BTRC: variants seen among roughly 807,000 people sequenced by gnomAD.
BTRC encodes the protein F-box/WD repeat-containing protein 1A.
BTRC carries 42 observed loss-of-function variants against 85.5 expected under a neutral mutation model. The ratio of observed to expected loss-of-function variants is 0.49; its 90% CI spans 0.38 to 0.64. BTRC has a LOEUF of 0.64. Ranked by LOEUF, BTRC falls within the 30% of genes least tolerant of loss-of-function variation. The probability of loss-of-function intolerance (pLI) is 0.00; values close to 1 mark genes in which losing one functional copy is unlikely to be tolerated. For missense variants in BTRC, 594 were observed against 743.5 expected, an observed-to-expected ratio of 0.80 and a Z score of 2.34; for synonymous variants, 255 against 263.3, an observed-to-expected ratio of 0.97 and a Z score of 0.30.
chr10:101,504,909 A>T (rs894053961), intron 4 of BTRC, among the ~76,000 whole-genome samples: 1 of 151,616 alleles, frequency 6.6e-6, no homozygotes, highest in Non-Finnish European at 1.5e-5. Flanking sequence ...CCTCCCCCAT[A>T]TTCTTCAAAT....
chr10:101,414,818 A>G (rs1943884066), intron 1 of BTRC: 1 of 159,794 alleles, frequency 6.3e-6, no homozygotes, highest in South Asian at 1.9e-4. Flanking sequence ...GAAACAACTT[A>G]TAAAGATGTA....
At chr10:101,535,555 A>G (rs563874248) in intron 11 of BTRC, 83 bp downstream of exon 11, 3 of 945,298 alleles carry the variant, frequency 3.2e-6, no homozygotes, top group East Asian at 2.8e-5. Flanking sequence ...CAAGTCTTCA[A>G]TTTTGTTATG....
At chr10:101,463,391 G>T (rs889004282) in intron 3 of BTRC, among the ~76,000 whole-genome samples, 1 of 151,788 alleles carries the variant, frequency 6.6e-6, no homozygotes, top group Non-Finnish European at 1.5e-5. Context: ...TGTTGGCCAG[G>T]CTGTTCTCAG....
intron 13 of BTRC, among the ~76,000 whole-genome samples, chr10:101,548,249 A>G (rs2062588953): frequency 6.6e-6 from 1 of 152,238 alleles, no homozygotes; most frequent in Non-Finnish European, 1.5e-5. Context: ...AAATGGGTGC[A>G]TATATTCAGC....
At chr10:101,366,843 TGTATA>T (rs1942410562) in intron 1 of BTRC, among the ~76,000 whole-genome samples, 1 of 37,950 alleles carries the variant, frequency 2.6e-5, no homozygotes, top group South Asian at 5.7e-4. Flanking sequence ...TATATATTTA[TGTATA>T]TTAATATATA....
At chr10:101,526,509 T>C (rs533125459) in intron 6 of BTRC, among the ~76,000 whole-genome samples, 1 of 152,332 alleles carries the variant, frequency 6.6e-6, no homozygotes, top group African/African-American at 2.4e-5. Flanking sequence ...CTGGGCACAG[T>C]GCGTTCACGC....
chr10:101,526,946 T>C (rs988131061), intron 6 of BTRC, among the ~76,000 whole-genome samples: 1 of 152,214 alleles, frequency 6.6e-6, no homozygotes, highest in Admixed American at 6.5e-5. Context: ...CTTCACTAAT[T>C]TTTTTGTTGT....
chr10:101,458,144 CTG>C (rs2134160026), intron 2 of BTRC, among the ~76,000 whole-genome samples: 2 of 152,188 alleles, frequency 1.3e-5, no homozygotes, highest in African/African-American at 4.8e-5. Flanking sequence ...ATAAACAAAA[CTG>C]TGGCACATCC....
intron 1 of BTRC, among the ~76,000 whole-genome samples, chr10:101,387,679 A>T (rs768703917): frequency 6.8e-6 from 1 of 147,834 alleles, no homozygotes; most frequent in Non-Finnish European, 1.5e-5. Flanking sequence ...GGTGCCCACC[A>T]CCACACCCGG....
At chr10:101,393,970 T>C (rs1943300885) in intron 1 of BTRC, among the ~76,000 whole-genome samples, 1 of 152,240 alleles carries the variant, frequency 6.6e-6, no homozygotes, top group Non-Finnish European at 1.5e-5. Flanking sequence ...TCGTAGACTG[T>C]AGAGCATGTC....
At chr10:101,507,145 C>T (rs143064603) in intron 4 of BTRC, among the ~76,000 whole-genome samples, 1 of 152,174 alleles carries the variant, frequency 6.6e-6, no homozygotes, top group Non-Finnish European at 1.5e-5. Flanking sequence ...GTCTGTATCA[C>T]TGGGGCTTTT....
In BTRC at chr10:101,556,077, C is replaced by T. The variant is rs1159161122; in HGVS notation, c.*2954C>T. The T allele has an allele frequency of 6.6e-6, 1 of 152,232 alleles. No homozygotes were observed. Among genetic ancestry groups the T allele is most frequent in the Non-Finnish European group, 1.5e-5 (1 of 68,048 alleles). 9.4% of individuals were successfully genotyped at this position (152,232 alleles called of 1,614,324 possible). A position where few individuals can be genotyped will look rare whatever the true frequency, so the allele number is the denominator to read the frequency against. On this transcript the variant is annotated 3_prime_UTR_variant, in exon 15 of 15. Transcript: ENST00000370187. Reference sequence around the variant, plus strand: ...AATTCTTTCTGGTGTCTCCTAACTTCAGAGACAGGGACTCTTTTTGGATCT... The same window carrying T: ...AATTCTTTCTGGTGTCTCCTAACTTTAGAGACAGGGACTCTTTTTGGATCT...
intron 4 of BTRC, among the ~76,000 whole-genome samples, chr10:101,516,151 T>C (rs141227605): frequency 1.7e-3 from 255 of 152,314 alleles, no homozygotes; most frequent in African/African-American, 3.5e-3. Context: ...GAGGGAAGGC[T>C]CAGCTCCAAC....
chr10:101,411,766 A>C (rs1943786388), intron 1 of BTRC, among the ~76,000 whole-genome samples: 1 of 141,246 alleles, frequency 7.1e-6, no homozygotes, highest in Non-Finnish European at 1.6e-5. Context: ...GTTATGAATC[A>C]TATTTTGTGC....
At chr10:101,447,300 A>G (rs970296072) in intron 2 of BTRC, among the ~76,000 whole-genome samples, 1 of 152,162 alleles carries the variant, frequency 6.6e-6, no homozygotes, top group African/African-American at 2.4e-5. Flanking sequence ...TCAGAAAGAA[A>G]GGAGATGTTG....
At chr10:101,389,332 C>T (rs943868974) in intron 1 of BTRC, among the ~76,000 whole-genome samples, 5 of 151,940 alleles carry the variant, frequency 3.3e-5, no homozygotes, top group Non-Finnish European at 7.4e-5. Context: ...CTGCTATCAA[C>T]TTACTTTGGG....
intron 2 of BTRC, among the ~76,000 whole-genome samples, chr10:101,451,348 T>C (rs1360819980): frequency 6.6e-6 from 1 of 152,212 alleles, no homozygotes; most frequent in Admixed American, 6.5e-5. Context: ...ATTCTTATTT[T>C]TTTCTGTTAC....
chr10:101,528,607 C>T (rs916696433), intron 6 of BTRC, among the ~76,000 whole-genome samples: 11 of 152,120 alleles, frequency 7.2e-5, no homozygotes, highest in South Asian at 2.1e-4. Flanking sequence ...TTATACATCC[C>T]GTGTCAACTT....
At chr10:101,387,548 A>ATTTTTTTTTTTTTTT (rs1943115372) in intron 1 of BTRC, among the ~76,000 whole-genome samples, 1 of 13,626 alleles carries the variant, frequency 7.3e-5, no homozygotes, top group African/African-American at 9.3e-4. Flanking sequence ...TTTTTTTTTG[A>ATTTTTTTTTTTTTTT]GATAGCCTCA....
Sources: allele counts gnomAD v4.1 joint callset (sites outside exome capture counted in the v4.1 genomes callset), GRCh38; gene constraint gnomAD v4.1.1; transcripts MANE v1.5; gene names NCBI Gene and HGNC (gene_info 2026-07-23, HGNC 2026-07-21).